Variants in PAK4 observed in about 807,000 individuals in gnomAD.
The protein encoded by PAK4 is p21 (RAC1) activated kinase 4, also known as serine/threonine-protein kinase PAK 4.
Under a neutral mutation model 53.5 loss-of-function variants are expected in PAK4, and 49 were observed. That is an observed-to-expected ratio of 0.92 (90% CI 0.73 to 1.16). The LOEUF is 1.16. Ranked by LOEUF, PAK4 falls within the 50% of genes most tolerant of loss-of-function variation. The probability of loss-of-function intolerance (pLI) is 0.00; values close to 1 mark genes in which losing one functional copy is unlikely to be tolerated. For missense variants in PAK4, 824 were observed against 850.7 expected, an observed-to-expected ratio of 0.97 and a Z score of 0.39; for synonymous variants, 376 against 375.6, an observed-to-expected ratio of 1.00 and a Z score of -0.01.
intron 1 of PAK4, among the ~76,000 whole-genome samples, chr19:39,158,220 C>CGT (rs903872658): frequency 6.7e-6 from 1 of 149,256 alleles, no homozygotes; most frequent in Non-Finnish European, 1.5e-5. Flanking sequence ...TGTGGGTGTG[C>CGT]GTGTGTGTGC....
intron 1 of PAK4, among the ~76,000 whole-genome samples, chr19:39,147,467 A>G (rs1373866092): frequency 3.3e-5 from 5 of 152,154 alleles, no homozygotes; most frequent in Non-Finnish European, 7.4e-5. Flanking sequence ...ACCTCGACAA[A>G]GAGGGTTTCG....
In PAK4 at chr19:39,178,535, C is replaced by T. The variant is rs751663915; in HGVS notation, c.1732C>T (p.Pro578Ser). ...CCCATTCCTGGCCAAGGCAGGGCCGCCTGCCAGCATCGTGCCCCTCATGCG... is the reference window on the plus strand; with the variant it reads ...CCCATTCCTGGCCAAGGCAGGGCCGTCTGCCAGCATCGTGCCCCTCATGCG... The change falls in exon 9 of 9, where the codon CCT becomes TCT. Residue 578 changes from proline to serine, a missense_variant. Physicochemically the swap from Pro to Ser is moderately conservative, Grantham distance 74. This residue lies in a region of PAK4 where 346 missense variants were observed against 415.0 expected (regional missense o/e 0.83). Coordinates refer to ENST00000358301, the Ensembl canonical transcript of PAK4. This position sits in a 1 kb window ranked among gnomAD's most constrained non-coding sequence, Gnocchi z 4.4. The T allele has an allele frequency of 3.1e-6, 5 of 1,610,958 alleles. No individual in the cohort carries two copies. The South Asian group carries it at 3.3e-5, about 11-fold the overall frequency.
rs949942868 is a variant in PAK4 at position 39,178,064 on chromosome 19, T to G, written c.1620+255T>G. 6.6e-6 allele frequency among the ~76,000 whole-genome samples: 1 copy of G among 151,996 alleles called. No individual in the cohort carries two copies. Among genetic ancestry groups the G allele is most frequent in the Non-Finnish European group, 1.5e-5 (1 of 67,950 alleles). The stretch of plus-strand genomic sequence containing the variant: ...GGGCCCCACCCAGCCCTAGAGAGAT[T>G]TGCACGTTTAGAAGTGGAGGACAGG... On this transcript the variant is annotated intron_variant, in intron 8 of 8. Transcript: ENST00000358301. The surrounding 1 kb of genome is among the most constrained non-coding windows in gnomAD (Gnocchi z 4.4).
At chr19:39,151,842 C>T (rs2074098465) in intron 1 of PAK4, among the ~76,000 whole-genome samples, 1 of 152,252 alleles carries the variant, frequency 6.6e-6, no homozygotes, top group Admixed American at 6.5e-5. Context: ...CATCTCAGTT[C>T]ACTGCAACCT....
chr19:39,156,283 C>G lies in PAK4; in HGVS notation c.-22-13249C>G, dbSNP rs192196840. On this transcript the variant is annotated intron_variant, in intron 1 of 8. Transcript: ENST00000358301. The stretch of plus-strand genomic sequence containing the variant: ...CTCCATATCAGAGAGCCCACCCACC[C>G]CTCTCCCCAGGGCTCTATCCTGCAC... Among the ~76,000 whole-genome samples the G allele has an allele frequency of 3.0e-3, 459 of 152,236 alleles. 3 individuals are homozygous for G. Among genetic ancestry groups the G allele is most frequent in the African/African-American group, 1.0e-2 (414 of 41,540 alleles).
At chr19:39,166,018 G>A (rs1259819526) in intron 1 of PAK4, among the ~76,000 whole-genome samples, 1 of 152,222 alleles carries the variant, frequency 6.6e-6, no homozygotes, top group Non-Finnish European at 1.5e-5. Flanking sequence ...TATACAGTAG[G>A]TACTCAGTAA....
At chr19:39,145,488 G>A (rs554928872) in intron 1 of PAK4, among the ~76,000 whole-genome samples, 12 of 151,976 alleles carry the variant, frequency 7.9e-5, no homozygotes, top group Middle Eastern at 3.4e-3. Flanking sequence ...CTGTCCTGGG[G>A]GGGCCCCAGG....
intron 1 of PAK4, among the ~76,000 whole-genome samples, chr19:39,129,822 G>A (rs368731329): frequency 4.3e-4 from 65 of 152,286 alleles, no homozygotes; most frequent in African/African-American, 1.4e-3. Context: ...AGGTGCCAGG[G>A]GTGACAGCTG....
intron 4 of PAK4, 66 bp from the exon 6 acceptor site, chr19:39,174,865 C>A: frequency 6.3e-7 from 1 of 1,588,772 alleles, no homozygotes; most frequent in Non-Finnish European, 8.6e-7. Flanking sequence ...AGGGGGGTGG[C>A]GGTGGCTGGG....
At chr19:39,126,747 C>T (rs113838805) in intron 1 of PAK4, among the ~76,000 whole-genome samples, 4 of 152,236 alleles carry the variant, frequency 2.6e-5, no homozygotes, top group African/African-American at 9.6e-5. Flanking sequence ...ATCATAATGT[C>T]GGTTAATGTT....
intron 1 of PAK4, among the ~76,000 whole-genome samples, chr19:39,154,872 G>A (rs1376358524): frequency 6.6e-6 from 1 of 152,108 alleles, no homozygotes; most frequent in East Asian, 1.9e-4. Flanking sequence ...GACCTGCCCT[G>A]CTGTGGTCCA....
At position 39,173,460 on chromosome 19, in the gene PAK4, G is replaced by T. The variant is rs377151282; in HGVS notation, c.663+84G>T. 1 of 1,293,882 alleles carries T rather than the reference G, an allele frequency of 7.7e-7. No homozygotes were observed. Among genetic ancestry groups the T allele is most frequent in the Admixed American group, 2.8e-5 (1 of 35,724 alleles). 80.2% of individuals were successfully genotyped at this position (1,293,882 alleles called of 1,614,324 possible). A position where few individuals can be genotyped will look rare whatever the true frequency, so the allele number is the denominator to read the frequency against. ...CACCTTCCAGCCCCGCCCCACCACCGTGCATCTCATCCTGACCACCCATGT... is the reference window on the plus strand; with the variant it reads ...CACCTTCCAGCCCCGCCCCACCACCTTGCATCTCATCCTGACCACCCATGT... On this transcript the variant is annotated intron_variant, in intron 3 of 8. Coordinates refer to ENST00000358301, the Ensembl canonical transcript of PAK4. The surrounding 1 kb of genome is among the most constrained non-coding windows in gnomAD (Gnocchi z 6.9).
intron 1 of PAK4, among the ~76,000 whole-genome samples, chr19:39,144,171 T>C (rs1456084889): frequency 0.012 from 1,332 of 113,944 alleles, 29 homozygotes; most frequent in African/African-American, 0.045. Context: ...TTAGATTAGA[T>C]AGATAGATAG....
chr19:39,173,742 C>A lies in PAK4; in HGVS notation c.830C>A (p.Thr277Asn). Residue 277 changes from threonine (T) to asparagine (N), a missense_variant, in exon 4 of 9, where the codon ACC (threonine) becomes AAC (asparagine). Transcript: ENST00000358301. The surrounding 1 kb of genome is among the most constrained non-coding windows in gnomAD (Gnocchi z 6.9). ...CCCCAGCTGGCCCCTCCAGCCTGCA[C>A]CCCCGCCGCCCCTGCTGTTCCTGGG... 6.3e-7 allele frequency: 1 copy of A among 1,575,690 alleles called. No individual in the cohort carries two copies. The highest frequency in any genetic ancestry group is 8.6e-7 in the Non-Finnish European group (1 of 1,163,386).
rs778423246 is a variant in PAK4 at position 39,173,984 on chromosome 19, C to G, written c.1072C>G (p.Gln358Glu). The change falls in exon 4 of 9, where the codon CAG becomes GAG. Residue 358 changes from glutamine (Q) to glutamate (E), a missense_variant. Gln to Glu is a conservative substitution (Grantham distance 29, BLOSUM62 2). Coordinates refer to ENST00000358301, the Ensembl canonical transcript of PAK4. The surrounding 1 kb of genome is among the most constrained non-coding windows in gnomAD (Gnocchi z 6.9). ...CAAGAAGATGGACCTGCGCAAGCAG[C>G]AGAGGCGCGAGCTGCTCTTCAACGA... is the stretch of plus-strand genomic sequence containing the variant. 1 of 1,604,832 alleles carries G rather than the reference C, an allele frequency of 6.2e-7. No homozygotes were observed. The highest frequency in any genetic ancestry group is 8.5e-7 in the Non-Finnish European group (1 of 1,177,672).
intron 1 of PAK4, among the ~76,000 whole-genome samples, chr19:39,144,145 T>C (rs56023536): frequency 0.48 from 52,342 of 109,962 alleles, 9,655 homozygotes; most frequent in East Asian, 0.62. Context: ...GACAGACAGA[T>C]AGATAGATAG....
At chr19:39,176,346 C>G in intron 6 of PAK4, 4 of 554,028 alleles carry the variant, frequency 7.2e-6, no homozygotes, top group Non-Finnish European at 1.3e-5. Flanking sequence ...CCAAAAGCCC[C>G]AGAGGCTGTC....
intron 1 of PAK4, among the ~76,000 whole-genome samples, chr19:39,165,705 C>A (rs1163626573): frequency 6.6e-6 from 1 of 152,182 alleles, no homozygotes; most frequent in Admixed American, 6.5e-5. Context: ...GGCTGCTTCT[C>A]CTGTCCATGC....
At position 39,175,832 on chromosome 19, in the gene PAK4, C is replaced by A. The variant is rs902448047; in HGVS notation, c.1359+394C>A. On this transcript the variant is annotated intron_variant, in intron 6 of 8. Transcript: ENST00000358301. This position sits in a 1 kb window ranked among gnomAD's most constrained non-coding sequence, Gnocchi z 4.7. ...TGAGGTTCCAAATCTGAGGCTGTGA[C>A]AATTATAACGTCGGGTGGACATGAT... Among the ~76,000 whole-genome samples the A allele has an allele frequency of 6.6e-6, 1 of 152,220 alleles. No individual in the cohort carries two copies. Among genetic ancestry groups the A allele is most frequent in the Non-Finnish European group, 1.5e-5 (1 of 68,042 alleles).
Sources: gnomAD v4.1 joint callset for allele counts (sites outside exome capture counted in the v4.1 genomes callset) on GRCh38, gnomAD v4.1.1 for gene constraint, gnomAD v4.1.1 regional missense constraint, Gnocchi (gnomAD v3.1) non-coding constraint, MANE v1.5 for transcripts, NCBI Gene and HGNC (gene_info 2026-07-23, HGNC 2026-07-21) for gene names.